FAM184B: variants seen among roughly 807,000 people sequenced by gnomAD.
The protein encoded by FAM184B is protein FAM184B.
FAM184B carries 111 observed loss-of-function variants against 135.9 expected under a neutral mutation model. The ratio of observed to expected loss-of-function variants is 0.82; its 90% CI spans 0.70 to 0.96. The LOEUF (loss-of-function observed/expected upper bound fraction) is 0.96. Ranked by LOEUF, FAM184B falls within the 40% of genes least tolerant of loss-of-function variation. The pLI is 0.00. For synonymous variants in FAM184B, 552 were observed against 524.8 expected (o/e 1.05, Z -0.71); for missense variants, 1,375 against 1,323.9 (o/e 1.04, Z -0.60).
At chr4:17,652,358 T>C (rs1715645054) in intron 11 of FAM184B, among the ~76,000 whole-genome samples, 1 of 151,960 alleles carries the variant, frequency 6.6e-6, no homozygotes. Context: ...TCTCCTGACC[T>C]TGTGATCCAC....
intron 12 of FAM184B, among the ~76,000 whole-genome samples, chr4:17,642,622 GAT>G (rs1715354423): frequency 6.6e-6 from 1 of 152,170 alleles, no homozygotes; most frequent in African/African-American, 2.4e-5. Flanking sequence ...AGGGGGAACT[GAT>G]AAGCTTTCTC....
At position 17,781,339 on chromosome 4, in the gene FAM184B, C is replaced by T. The variant is rs1480497089; in HGVS notation, c.-40G>A. On this transcript the variant is annotated 5_prime_UTR_variant, in exon 1 of 18. Coordinates refer to ENST00000265018, the MANE Select transcript of FAM184B (RefSeq NM_015688.2). This position sits in a 1 kb window ranked among gnomAD's most constrained non-coding sequence, Gnocchi z 6.5. Reference sequence around the variant, plus strand: ...CAGCACTCAGACTCTCTCGTTTTCTCCCTGCCCACCGTGTGCACGTGCGTG... The same window carrying T: ...CAGCACTCAGACTCTCTCGTTTTCTTCCTGCCCACCGTGTGCACGTGCGTG... The T allele has an allele frequency of 7.4e-6, 11 of 1,484,264 alleles. No individual in the cohort carries two copies. Among genetic ancestry groups the T allele is most frequent in the Non-Finnish European group, 9.9e-6 (11 of 1,109,876 alleles). 91.9% of individuals were successfully genotyped at this position (1,484,264 alleles called of 1,614,324 possible). A position where few individuals can be genotyped will look rare whatever the true frequency, so the allele number is the denominator to read the frequency against.
intron 1 of FAM184B, among the ~76,000 whole-genome samples, chr4:17,728,822 G>A (rs1432550987): frequency 6.6e-6 from 1 of 152,178 alleles, no homozygotes; most frequent in East Asian, 1.9e-4. Context: ...CAGCGTGAGC[G>A]ACACAGAAGA....
intron 1 of FAM184B, among the ~76,000 whole-genome samples, chr4:17,746,117 C>T (rs1718154360): frequency 6.6e-6 from 1 of 151,962 alleles, no homozygotes. Flanking sequence ...CGCCACCACA[C>T]CTGGCTAATT....
chr4:17,636,410 A>C (rs1715138224), intron 15 of FAM184B, 118 bp downstream of exon 15: 9 of 810,040 alleles, frequency 1.1e-5, no homozygotes, highest in South Asian at 1.1e-4. Context: ...GCAAGAAAGG[A>C]TTCTTTGTAA....
At chr4:17,715,281 C>G (rs142872931) in intron 1 of FAM184B, among the ~76,000 whole-genome samples, 1 of 152,118 alleles carries the variant, frequency 6.6e-6, no homozygotes, top group African/African-American at 2.4e-5. Flanking sequence ...TCGAGACCAG[C>G]CTGGCCAACA....
intron 12 of FAM184B, among the ~76,000 whole-genome samples, chr4:17,643,598 C>G (rs1050772585): frequency 4.6e-5 from 7 of 152,220 alleles, no homozygotes; most frequent in African/African-American, 1.7e-4. Context: ...CCCATCTAAA[C>G]ACTTAATGGA....
intron 6 of FAM184B, 136 bp from the exon 7 acceptor site, chr4:17,688,667 C>G (rs1283622460): frequency 6.5e-6 from 2 of 305,482 alleles, no homozygotes. Context: ...TCTACACACA[C>G]TTCTAGAAAT....
chr4:17,645,863 ACTC>A (rs1165622848), intron 12 of FAM184B, among the ~76,000 whole-genome samples: 2 of 152,136 alleles, frequency 1.3e-5, no homozygotes, highest in African/African-American at 4.8e-5. Flanking sequence ...TCTACAAAGA[ACTC>A]AAACAAATTT....
chr4:17,663,479 C>A (rs1715965129), intron 8 of FAM184B, among the ~76,000 whole-genome samples: 1 of 152,032 alleles, frequency 6.6e-6, no homozygotes, highest in East Asian at 1.9e-4. Context: ...GTTTTCTATG[C>A]CCAAAATCTC....
chr4:17,630,415 G>T lies in FAM184B; in HGVS notation c.*2117C>A, dbSNP rs931613995. The T allele has an allele frequency of 6.6e-6, 1 of 152,158 alleles. No individual in the cohort carries two copies. Among genetic ancestry groups the T allele is most frequent in the South Asian group, 2.1e-4 (1 of 4,828 alleles). The allele number at this position is 152,158 out of a possible 1,614,324, so 9.4% of individuals were successfully genotyped here. On this transcript the variant is annotated 3_prime_UTR_variant, in exon 18 of 18. Coordinates refer to ENST00000265018, the MANE Select transcript of FAM184B (RefSeq NM_015688.2). ...CCTTACAAAAGAGGCTCAGGGAGGCGCTCTTGCCTCTTCCACCATGTAAGG... is the reference window on the plus strand; with the variant it reads ...CCTTACAAAAGAGGCTCAGGGAGGCTCTCTTGCCTCTTCCACCATGTAAGG...
intron 4 of FAM184B, among the ~76,000 whole-genome samples, chr4:17,705,411 C>T (rs1717086109): frequency 1.3e-5 from 2 of 152,190 alleles, no homozygotes; most frequent in Non-Finnish European, 2.9e-5. Context: ...AATGGTGTGT[C>T]TATTATCATG....
Position 17,732,449 on chromosome 4 carries a change from T to A in FAM184B, c.142-22805A>T, listed in dbSNP as rs1717804113. On this transcript the variant is annotated intron_variant, in intron 1 of 17. Coordinates refer to ENST00000265018, the MANE Select transcript of FAM184B (RefSeq NM_015688.2). ...ATCGATAGACCGCTAGCAAGACTAA[T>A]AAAGAAGAAAAGAGAGAAGAATCAA... Among the ~76,000 whole-genome samples, 4 of 151,716 alleles carry A rather than the reference T, an allele frequency of 2.6e-5. No homozygotes were observed. The South Asian group carries it at 6.3e-4, about 24-fold the overall frequency.
chr4:17,660,359 G>A lies in FAM184B; in HGVS notation c.1695-272C>T, dbSNP rs113603560. 5.3e-5 allele frequency among the ~76,000 whole-genome samples: 8 copies of A among 152,222 alleles called. 1 individual carries two copies. Among genetic ancestry groups the A allele is most frequent in the African/African-American group, 1.7e-4 (7 of 41,520 alleles). On this transcript the variant is annotated intron_variant, in intron 8 of 17. Coordinates refer to ENST00000265018, the MANE Select transcript of FAM184B (RefSeq NM_015688.2). ...GAACCACCTGATATCTGTTTTAGTG[G>A]GTTCTTAATAAATGATGATCAACTG...
At chr4:17,740,912 G>A (rs1213595166) in intron 1 of FAM184B, among the ~76,000 whole-genome samples, 1 of 152,070 alleles carries the variant, frequency 6.6e-6, no homozygotes, top group African/African-American at 2.4e-5. Context: ...CTGGACTGTT[G>A]TAGCCAAGGG....
At chr4:17,635,917 C>A (rs867526695) in intron 15 of FAM184B, among the ~76,000 whole-genome samples, 1 of 152,068 alleles carries the variant, frequency 6.6e-6, no homozygotes, top group Non-Finnish European at 1.5e-5. Context: ...AAAAGAAGAT[C>A]AACAATAAAA....
At chr4:17,766,036 G>A (rs1718675306) in intron 1 of FAM184B, among the ~76,000 whole-genome samples, 1 of 152,226 alleles carries the variant, frequency 6.6e-6, no homozygotes, top group Non-Finnish European at 1.5e-5. Flanking sequence ...CCTTCCCCGT[G>A]AGTGTTACAG....
chr4:17,774,992 C>CTTTTTTT lies in FAM184B; in HGVS notation c.141+6160_141+6166dup, dbSNP rs71167338. On this transcript the variant is annotated intron_variant, in intron 1 of 17. Transcript: ENST00000265018. ...CCTAAGAATAAGATATTTTCCTTTT[C>CTTTTTTT]TTTTTTTTTTTTTTTTTTTTTTTGA... 1.0e-2 allele frequency among the ~76,000 whole-genome samples: 815 copies of CTTTTTTT among 81,724 alleles called. 2 individuals are homozygous for CTTTTTTT. Among genetic ancestry groups the CTTTTTTT allele is most frequent in the Middle Eastern group, 0.013 (1 of 76 alleles). The allele number at this position is 81,724 out of a possible 152,430, so 53.6% of individuals were successfully genotyped here.
intron 1 of FAM184B, among the ~76,000 whole-genome samples, chr4:17,767,263 C>T (rs1382003805): frequency 5.3e-5 from 8 of 152,300 alleles, no homozygotes; most frequent in Admixed American, 4.6e-4. Flanking sequence ...TGCAGTGCAG[C>T]GGTGGGCTGA....
Sources: allele counts gnomAD v4.1 joint callset (sites outside exome capture counted in the v4.1 genomes callset), GRCh38; gene constraint gnomAD v4.1.1; non-coding constraint Gnocchi (gnomAD v3.1); transcripts MANE v1.5; gene names NCBI Gene and HGNC (gene_info 2026-07-23, HGNC 2026-07-21).